Variants in GPC5 observed in about 807,000 individuals in gnomAD.
GPC5 encodes the protein glypican 5, also known as glypican-5.
In GPC5, 47 loss-of-function variants were observed where a neutral mutation model predicts 53.9. That is an observed-to-expected ratio of 0.87 (90% CI 0.69 to 1.11). The LOEUF (loss-of-function observed/expected upper bound fraction) is 1.11. Ranked by LOEUF, GPC5 falls within the 50% of genes most tolerant of loss-of-function variation. The pLI is 0.00. For missense variants in GPC5, 748 were observed against 713.1 expected, an observed-to-expected ratio of 1.05 and a Z score of -0.56; for synonymous variants, 286 against 263.3, an observed-to-expected ratio of 1.09 and a Z score of -0.84.
chr13:91,761,588 G>C (rs956559617), intron 5 of GPC5, among the ~76,000 whole-genome samples: 1 of 152,136 alleles, frequency 6.6e-6, no homozygotes, highest in African/African-American at 2.4e-5. Flanking sequence ...ATCTGATGGA[G>C]CAGCTCATGG....
intron 6 of GPC5, among the ~76,000 whole-genome samples, chr13:91,974,297 G>A (rs2040275282): frequency 6.6e-6 from 1 of 152,166 alleles, no homozygotes; most frequent in Admixed American, 6.5e-5. Context: ...TGAAATAAAG[G>A]GTATTCAATT....
chr13:91,809,297 C>T (rs564993577), intron 5 of GPC5, among the ~76,000 whole-genome samples: 1 of 152,182 alleles, frequency 6.6e-6, no homozygotes, highest in Admixed American at 6.5e-5. Context: ...AATCCACTGC[C>T]GTTTAATCAT....
intron 6 of GPC5, among the ~76,000 whole-genome samples, chr13:92,059,201 A>G (rs1000706757): frequency 1.3e-5 from 2 of 152,140 alleles, no homozygotes; most frequent in Non-Finnish European, 2.9e-5. Context: ...ATCATCTTAA[A>G]ATGTCTTAGA....
intron 7 of GPC5, among the ~76,000 whole-genome samples, chr13:92,743,843 CAT>C (rs1488234080): frequency 2.6e-5 from 4 of 152,102 alleles, no homozygotes; most frequent in African/African-American, 9.7e-5. Flanking sequence ...TCGAGATAAT[CAT>C]GTGGTTTTTG....
chr13:92,166,551 G>A (rs114289331), intron 7 of GPC5, among the ~76,000 whole-genome samples: 5,819 of 152,130 alleles, frequency 0.038, 248 homozygotes, highest in African/African-American at 0.098. Context: ...GTCAAAGGTA[G>A]TTTCATTAGC....
At chr13:92,415,676 T>TAA (rs34520808) in intron 7 of GPC5, among the ~76,000 whole-genome samples, 5,009 of 143,476 alleles carry the variant, frequency 0.035, 174 homozygotes, top group East Asian at 0.16. Context: ...CAGCTGGAGG[T>TAA]AAAAAAAAAA....
chr13:92,589,386 C>G (rs1057032578), intron 7 of GPC5, among the ~76,000 whole-genome samples: 7 of 152,114 alleles, frequency 4.6e-5, no homozygotes, highest in Non-Finnish European at 8.8e-5. Context: ...GTTTTTCATC[C>G]CTGAGGCTAG....
intron 7 of GPC5, among the ~76,000 whole-genome samples, chr13:92,555,172 A>T (rs567736806): frequency 9.2e-5 from 14 of 151,632 alleles, no homozygotes; most frequent in Middle Eastern, 3.5e-3. Context: ...AACTGTAAGA[A>T]GATACATACA....
chr13:91,622,036 C>T (rs2139370179), intron 2 of GPC5, among the ~76,000 whole-genome samples: 2 of 152,118 alleles, frequency 1.3e-5, no homozygotes, highest in African/African-American at 4.8e-5. Context: ...GCATCCAGCA[C>T]AGGAGAAAGA....
At chr13:92,133,084 T>C (rs1206051722) in intron 6 of GPC5, among the ~76,000 whole-genome samples, 2 of 152,136 alleles carry the variant, frequency 1.3e-5, no homozygotes, top group African/African-American at 2.4e-5. Context: ...AGGAGAAATA[T>C]TGACCAGAAT....
At chr13:92,503,217 A>T (rs1430478879) in intron 7 of GPC5, among the ~76,000 whole-genome samples, 1 of 151,888 alleles carries the variant, frequency 6.6e-6, no homozygotes, top group Non-Finnish European at 1.5e-5. Flanking sequence ...GTAATTTCTC[A>T]TTCCTTACCT....
At chr13:92,225,481 C>T (rs546455432) in intron 7 of GPC5, among the ~76,000 whole-genome samples, 1 of 152,238 alleles carries the variant, frequency 6.6e-6, no homozygotes, top group African/African-American at 2.4e-5. Flanking sequence ...TATACAAAAA[C>T]TTAGAATATC....
chr13:92,135,358 G>C (rs548511948), intron 6 of GPC5, among the ~76,000 whole-genome samples: 1 of 152,230 alleles, frequency 6.6e-6, no homozygotes, highest in South Asian at 2.1e-4. Context: ...AGTCCTACTT[G>C]AGGTTATGTT....
At chr13:91,433,051 A>G (rs80285172) in intron 1 of GPC5, among the ~76,000 whole-genome samples, 5,290 of 152,260 alleles carry the variant, frequency 0.035, 139 homozygotes, top group Non-Finnish European at 0.051. Flanking sequence ...TTCTTATCCT[A>G]TTGGAGCTCA....
Position 92,380,623 on chromosome 13 carries a change from T to C in GPC5, c.1561+235634T>C, listed in dbSNP as rs12864443. On this transcript the variant is annotated intron_variant, in intron 7 of 7. Transcript: ENST00000377067. The stretch of plus-strand genomic sequence containing the variant: ...GCAGCCATAAAAAATGATGAGTTCA[T>C]GTCCTTTGTAGGGACGTGGATGAAA... Among the ~76,000 whole-genome samples, 1,429 of 152,160 alleles carry C rather than the reference T, an allele frequency of 9.4e-3. 24 individuals carry two copies. The highest frequency in any genetic ancestry group is 0.051 in the Middle Eastern group (15 of 294).
intron 2 of GPC5, among the ~76,000 whole-genome samples, chr13:91,544,635 G>A (rs1029849428): frequency 6.6e-6 from 1 of 152,126 alleles, no homozygotes; most frequent in African/African-American, 2.4e-5. Flanking sequence ...TATCTAAAGA[G>A]TTATATCTTT....
At chr13:91,484,320 T>C (rs1883472531) in intron 2 of GPC5, among the ~76,000 whole-genome samples, 1 of 152,232 alleles carries the variant, frequency 6.6e-6, no homozygotes, top group Non-Finnish European at 1.5e-5. Flanking sequence ...AAAAATGTTC[T>C]GTCTACCTGA....
chr13:91,660,643 A>C (rs55965175), intron 2 of GPC5, among the ~76,000 whole-genome samples: 9,616 of 152,304 alleles, frequency 0.063, 1,013 homozygotes, highest in African/African-American at 0.22. Flanking sequence ...TAACTAATAC[A>C]GATGGGAAGG....
At position 91,912,282 on chromosome 13, in the gene GPC5, G is replaced by A. The variant is rs192239707; in HGVS notation, c.1401+4225G>A. Among the ~76,000 whole-genome samples the A allele has an allele frequency of 3.3e-3, 499 of 152,088 alleles. 1 individual carries two copies. The highest frequency in any genetic ancestry group is 5.6e-3 in the Non-Finnish European group (382 of 67,972). On this transcript the variant is annotated intron_variant, in intron 6 of 7. Transcript: ENST00000377067. ...CTGTAAGAATAATGACTCAGGAGAC[G>A]GAGGCTGCAGTGAGCTGAGATCAGG... is the stretch of plus-strand genomic sequence containing the variant.
Sources: gnomAD v4.1 joint callset for allele counts (sites outside exome capture counted in the v4.1 genomes callset) on GRCh38, gnomAD v4.1.1 for gene constraint, MANE v1.5 for transcripts, NCBI Gene and HGNC (gene_info 2026-07-23, HGNC 2026-07-21) for gene names.